GPATCH2L: variants seen among roughly 807,000 people sequenced by gnomAD.
GPATCH2L encodes the protein G-patch domain containing 2 like, also known as G patch domain-containing protein 2-like.
A neutral mutation model predicts 57.4 loss-of-function variants in GPATCH2L; 31 were observed. The ratio of observed to expected loss-of-function variants is 0.54; its 90% CI spans 0.41 to 0.73. The LOEUF (loss-of-function observed/expected upper bound fraction) is 0.73, where lower values mean the gene tolerates loss of function less well. GPATCH2L is among the 30% of genes least tolerant of loss of function. The pLI is 0.00. For missense variants in GPATCH2L, 481 were observed against 599.9 expected (o/e 0.80, Z 2.07); for synonymous variants, 199 against 210.7 (o/e 0.94, Z 0.48).
At chr14:76,226,846 A>G (rs1284743948) in intron 1 of GPATCH2L, among the ~76,000 whole-genome samples, 1 of 152,180 alleles carries the variant, frequency 6.6e-6, no homozygotes, top group East Asian at 1.9e-4. Context: ...AAAATAAACT[A>G]AGAGAGTTCT....
At chr14:76,224,868 T>C (rs2040530153) in intron 1 of GPATCH2L, among the ~76,000 whole-genome samples, 1 of 152,054 alleles carries the variant, frequency 6.6e-6, no homozygotes, top group Non-Finnish European at 1.5e-5. Context: ...AGTTCAAAAA[T>C]GAAATTTAAA....
At chr14:76,201,598 A>AC in intron 9 of GPATCH2L, 93 bp from the exon 10 acceptor site, 1 of 991,120 alleles carries the variant, frequency 1.0e-6, no homozygotes, top group Middle Eastern at 2.2e-4. Flanking sequence ...AGGATTAAGA[A>AC]AATTTTTTTT....
downstream of GPATCH2L, among the ~76,000 whole-genome samples, chr14:76,219,168 A>G (rs548420764): frequency 3.9e-5 from 6 of 152,268 alleles, no homozygotes; most frequent in Non-Finnish European, 8.8e-5. Context: ...GCAAATGCAA[A>G]TGAGAACTTG....
intron 2 of GPATCH2L, among the ~76,000 whole-genome samples, chr14:76,161,290 A>C (rs2038569800): frequency 6.6e-6 from 1 of 150,408 alleles, no homozygotes. Context: ...TTACTAAGAA[A>C]AGTTTTTTAG....
intron 1 of GPATCH2L, chr14:76,152,644 A>T (rs553384020): frequency 2.2e-6 from 1 of 455,842 alleles, no homozygotes; most frequent in Non-Finnish European, 4.4e-6. Context: ...GGGGAGTTCT[A>T]GGGTTCTTTT....
Position 76,230,983 on chromosome 14 carries a change from T to A in GPATCH2L, c.*117+1030T>A, listed in dbSNP as rs577227344. Among the ~76,000 whole-genome samples, 3 of 152,380 alleles carry A rather than the reference T, an allele frequency of 2.0e-5. 1 individual carries two copies. Among genetic ancestry groups the A allele is most frequent in the African/African-American group, 7.2e-5 (3 of 41,592 alleles). Reference sequence around the variant, plus strand: ...AATAGTGGCCTGTGCCATGTTTTTTTATACTTGCCCTAAACTTAACTTTAA... The same window carrying A: ...AATAGTGGCCTGTGCCATGTTTTTTAATACTTGCCCTAAACTTAACTTTAA... On this transcript the variant is annotated intron_variant and NMD_transcript_variant, in intron 2 of 3. Coordinates refer to the GPATCH2L transcript ENST00000556372.
chr14:76,157,545 T>C (rs1421754976), intron 2 of GPATCH2L, among the ~76,000 whole-genome samples: 9 of 152,224 alleles, frequency 5.9e-5, no homozygotes, highest in Non-Finnish European at 1.2e-4. Context: ...TTTATTCACA[T>C]ACAGATCAAA....
intron 2 of GPATCH2L, among the ~76,000 whole-genome samples, chr14:76,235,550 A>C (rs567245988): frequency 6.6e-6 from 1 of 152,336 alleles, no homozygotes; most frequent in Admixed American, 6.5e-5. Context: ...TTTTCTTTAC[A>C]CATTACCCAG....
At chr14:76,178,938 GTTTC>G (rs2039452499) in intron 7 of GPATCH2L, 1 of 152,196 alleles carries the variant, frequency 6.6e-6, no homozygotes, top group African/African-American at 2.4e-5. Flanking sequence ...TTATCGATAT[GTTTC>G]TTTATGTGTG....
intron 1 of GPATCH2L, among the ~76,000 whole-genome samples, chr14:76,227,190 C>A (rs186423704): frequency 6.6e-6 from 1 of 152,218 alleles, no homozygotes; most frequent in Non-Finnish European, 1.5e-5. Flanking sequence ...ATATTCTCCA[C>A]GTTGTTTGAA....
chr14:76,195,834 G>T (rs764144955), intron 8 of GPATCH2L, 44 bp from the exon 9 acceptor site: 2 of 1,399,078 alleles, frequency 1.4e-6, no homozygotes, highest in Admixed American at 3.4e-5. Flanking sequence ...CTTACAATAA[G>T]AATTAAAAAG....
rs1309911341 is a variant in GPATCH2L, at chr14:76,210,288, C to G, written c.*8437C>G. 6.6e-6 allele frequency: 1 copy of G among 152,168 alleles called. No homozygotes were observed. Among genetic ancestry groups the G allele is most frequent in the East Asian group, 1.9e-4 (1 of 5,194 alleles). 9.4% of individuals were successfully genotyped at this position (152,168 alleles called of 1,614,324 possible). A position where few individuals can be genotyped will look rare whatever the true frequency, so the allele number is the denominator to read the frequency against. ...ACTTACAGTTACAGACAAACTTGCT[C>G]GAGTCACATATCTATTAAGTGTCAG... On this transcript the variant is annotated 3_prime_UTR_variant, in exon 10 of 10. Transcript: ENST00000261530.
At chr14:76,215,860 T>C (rs2040486678), downstream of GPATCH2L, among the ~76,000 whole-genome samples, 1 of 151,480 alleles carries the variant, frequency 6.6e-6, no homozygotes, top group South Asian at 2.1e-4. Flanking sequence ...GGCACATGTA[T>C]ACATATGTAA....
At chr14:76,185,717 C>T (rs977866889) in intron 8 of GPATCH2L, among the ~76,000 whole-genome samples, 12 of 152,158 alleles carry the variant, frequency 7.9e-5, no homozygotes. Flanking sequence ...TCATATAGGT[C>T]AGCTTCCTTT....
intron 8 of GPATCH2L, among the ~76,000 whole-genome samples, chr14:76,190,990 C>A (rs945933935): frequency 6.6e-6 from 1 of 152,122 alleles, no homozygotes; most frequent in African/African-American, 2.4e-5. Flanking sequence ...CTTCCCTTAA[C>A]GTATTACATG....
intron 2 of GPATCH2L, among the ~76,000 whole-genome samples, chr14:76,231,985 C>CCTCACCGCAGCCTCACTGCAGG (rs2040568499): frequency 7.5e-6 from 1 of 132,926 alleles, no homozygotes; most frequent in East Asian, 2.4e-4. Flanking sequence ...CTCACTGCAG[C>CCTCACCGCAGCCTCACTGCAGG]CTCACTGCAG....
chr14:76,229,217 A>G (rs2040549541), intron 1 of GPATCH2L, among the ~76,000 whole-genome samples: 1 of 152,146 alleles, frequency 6.6e-6, no homozygotes, highest in African/African-American at 2.4e-5. Context: ...AGTGAACTTT[A>G]ATTTCTGAGT....
chr14:76,227,091 G>C (rs1049096974), intron 1 of GPATCH2L, among the ~76,000 whole-genome samples: 2 of 152,180 alleles, frequency 1.3e-5, no homozygotes, highest in African/African-American at 4.8e-5. Context: ...CCTCCCTCCT[G>C]GACTGTCTGA....
Position 76,210,713 on chromosome 14 carries a change from G to A in GPATCH2L, c.*8862G>A, listed in dbSNP as rs1168625850. On this transcript the variant is annotated 3_prime_UTR_variant, in exon 10 of 10. Transcript: ENST00000261530. ...GTACCAAGGCACAACTGATTCCTAA[G>A]TGAGGGGGATATGTGTTCTGAGATG... 2 of 152,218 alleles carry A rather than the reference G, an allele frequency of 1.3e-5. No homozygotes were observed. The highest frequency in any genetic ancestry group is 1.9e-4 in the East Asian group (1 of 5,198). The allele number at this position is 152,218 out of a possible 1,614,324, so 9.4% of individuals were successfully genotyped here.
Sources: allele counts gnomAD v4.1 joint callset (sites outside exome capture counted in the v4.1 genomes callset), GRCh38; gene constraint gnomAD v4.1.1; transcripts MANE v1.5; gene names NCBI Gene and HGNC (gene_info 2026-07-23, HGNC 2026-07-21).